Variants in NRXN3 observed in about 807,000 individuals in gnomAD.
The protein encoded by NRXN3 is neurexin 3.
Under a neutral mutation model 137.6 loss-of-function variants are expected in NRXN3, and 32 were observed. The ratio of observed to expected loss-of-function variants is 0.23; its 90% CI spans 0.18 to 0.31. NRXN3 has a LOEUF of 0.31. Among genes scored for constraint, NRXN3 ranks in the 10% least tolerant of loss-of-function variants. The pLI is 1.00. For missense variants in NRXN3, 1,574 were observed against 2,062.5 expected, an observed-to-expected ratio of 0.76 and a Z score of 4.59; for synonymous variants, 798 against 784.5, an observed-to-expected ratio of 1.02 and a Z score of -0.29.
intron 15 of NRXN3, among the ~76,000 whole-genome samples, chr14:79,271,838 T>A (rs1474027827): frequency 6.6e-6 from 1 of 152,190 alleles, no homozygotes; most frequent in East Asian, 1.9e-4. Flanking sequence ...AAGTTCATCA[T>A]AATAGTGAAC....
At chr14:78,523,774 G>A (rs1421166922) in intron 4 of NRXN3, among the ~76,000 whole-genome samples, 4 of 128,430 alleles carry the variant, frequency 3.1e-5, no homozygotes, top group African/African-American at 6.3e-5. Flanking sequence ...CTGAGATCGC[G>A]TCACTGCACT....
At chr14:79,191,961 A>G (rs1182339987) in intron 15 of NRXN3, among the ~76,000 whole-genome samples, 2 of 152,016 alleles carry the variant, frequency 1.3e-5, no homozygotes, top group African/African-American at 4.8e-5. Flanking sequence ...CAGAAACGAC[A>G]GTGCTTACTA....
At chr14:78,934,892 A>C (rs1329932589) in intron 10 of NRXN3, among the ~76,000 whole-genome samples, 2 of 151,878 alleles carry the variant, frequency 1.3e-5, no homozygotes, top group African/African-American at 4.8e-5. Context: ...GCACACCAAC[A>C]TGGCACATGT....
At chr14:79,084,096 G>A (rs985957644) in intron 15 of NRXN3, among the ~76,000 whole-genome samples, 1 of 150,964 alleles carries the variant, frequency 6.6e-6, no homozygotes, top group Admixed American at 6.6e-5. Context: ...TTTTTTTTTT[G>A]TAGAGATGGG....
At chr14:79,048,155 A>G (rs2099635827) in intron 15 of NRXN3, among the ~76,000 whole-genome samples, 1 of 152,198 alleles carries the variant, frequency 6.6e-6, no homozygotes, top group Non-Finnish European at 1.5e-5. Flanking sequence ...TTGTGGAGAG[A>G]AAGACACCAA....
At chr14:79,453,917 T>C (rs73339465) in intron 15 of NRXN3, among the ~76,000 whole-genome samples, 7,632 of 152,170 alleles carry the variant, frequency 0.05, 673 homozygotes, top group African/African-American at 0.18. Context: ...GTGTCTGGGG[T>C]ATTGCAGCAG....
intron 4 of NRXN3, among the ~76,000 whole-genome samples, chr14:78,336,774 G>T (rs2081526484): frequency 1.3e-5 from 2 of 152,130 alleles, no homozygotes; most frequent in Non-Finnish European, 2.9e-5. Context: ...CACCCCCAGG[G>T]TTCCCTCTTA....
chr14:79,230,950 A>C (rs925012665), intron 15 of NRXN3, among the ~76,000 whole-genome samples: 2 of 152,192 alleles, frequency 1.3e-5, no homozygotes, highest in African/African-American at 4.8e-5. Context: ...AGAATGCTTC[A>C]GAAGCTATTA....
intron 15 of NRXN3, among the ~76,000 whole-genome samples, chr14:79,223,703 T>C (rs1397459489): frequency 1.3e-5 from 2 of 152,138 alleles, no homozygotes; most frequent in Non-Finnish European, 2.9e-5. Context: ...AATAACCAAA[T>C]CTATGGTTTA....
chr14:79,725,185 G>C (rs1187424288), intron 19 of NRXN3, among the ~76,000 whole-genome samples: 4 of 152,098 alleles, frequency 2.6e-5, no homozygotes, highest in Admixed American at 2.6e-4. Context: ...AACTGTTTTT[G>C]GTCTTGAAAC....
chr14:78,624,945 G>A (rs1201887548), intron 4 of NRXN3, among the ~76,000 whole-genome samples: 4 of 152,114 alleles, frequency 2.6e-5, no homozygotes, highest in African/African-American at 7.2e-5. Flanking sequence ...AGGTTCAAGC[G>A]ATTCTCTTGC....
At chr14:78,237,604 T>G (rs2066486952) in intron 1 of NRXN3, among the ~76,000 whole-genome samples, 1 of 152,198 alleles carries the variant, frequency 6.6e-6, no homozygotes, top group African/African-American at 2.4e-5. Context: ...GTCCCGGCAT[T>G]AACTCAAATT....
rs570126388 is a variant in NRXN3 at position 78,298,156 on chromosome 14, G to A, written c.757+296G>A. Among the ~76,000 whole-genome samples the A allele has an allele frequency of 5.9e-5, 9 of 152,358 alleles. No homozygotes were observed. In the East Asian group the frequency reaches 9.7e-4, roughly 16 times the overall value. On this transcript the variant is annotated intron_variant, in intron 4 of 20. Transcript: ENST00000335750. ...AGGGAAGCATGAAACCAGGCATGAC[G>A]GTGTCGATAATGGGGGTGAATGAAG...
chr14:78,191,178 T>A (rs1200342188), intron 1 of NRXN3, among the ~76,000 whole-genome samples: 4 of 152,138 alleles, frequency 2.6e-5, no homozygotes, highest in African/African-American at 9.7e-5. Flanking sequence ...TGGTGGGGTG[T>A]GGGGCTGGGC....
intron 4 of NRXN3, among the ~76,000 whole-genome samples, chr14:78,454,815 G>A (rs1329799100): frequency 6.6e-6 from 1 of 152,184 alleles, no homozygotes; most frequent in Admixed American, 6.5e-5. Context: ...ATAGAGCCAA[G>A]GAGCTGGCTG....
chr14:79,422,122 T>A (rs1271457792), intron 15 of NRXN3, among the ~76,000 whole-genome samples: 1 of 152,064 alleles, frequency 6.6e-6, no homozygotes, highest in Non-Finnish European at 1.5e-5. Context: ...TGCAGTAGTG[T>A]GAGCATGGCT....
At chr14:78,471,705 T>C (rs2153729874) in intron 4 of NRXN3, among the ~76,000 whole-genome samples, 1 of 152,344 alleles carries the variant, frequency 6.6e-6, no homozygotes, top group South Asian at 2.1e-4. Context: ...TATCCAGGCA[T>C]AATTACGATA....
rs2099270450 is a variant in NRXN3 at position 79,820,999 on chromosome 14, AG to A, written c.4093+15811del. Among the ~76,000 whole-genome samples the A allele has an allele frequency of 2.0e-5, 3 of 152,242 alleles. No individual in the cohort carries two copies. In the South Asian group the frequency reaches 6.2e-4, roughly 32 times the overall value. On this transcript the variant is annotated intron_variant, in intron 20 of 20. Coordinates refer to ENST00000335750, the MANE Select transcript of NRXN3 (RefSeq NM_001330195.2). ...GGAGATGTAAGGTTCTGAACTACAA[AG>A]GAAGCAAACAAAATGAAGAGATGAT...
At chr14:79,281,954 T>A (rs1272062796) in intron 15 of NRXN3, 2 of 152,224 alleles carry the variant, frequency 1.3e-5, no homozygotes, top group Non-Finnish European at 2.9e-5. Flanking sequence ...CTGGCTCTTT[T>A]TGACTCTGTC....
Sources: gnomAD v4.1 joint callset for allele counts (sites outside exome capture counted in the v4.1 genomes callset) on GRCh38, gnomAD v4.1.1 for gene constraint, MANE v1.5 for transcripts, NCBI Gene and HGNC (gene_info 2026-07-23, HGNC 2026-07-21) for gene names.